ERC1: variants seen among roughly 807,000 people sequenced by gnomAD.
ERC1 encodes RAB6 interacting protein 2.
Under a neutral mutation model 132.0 loss-of-function variants are expected in ERC1, and 56 were observed. The ratio of observed to expected loss-of-function variants is 0.42; its 90% confidence interval spans 0.34 to 0.53. The LOEUF (loss-of-function observed/expected upper bound fraction) is 0.53, where lower values mean the gene tolerates loss of function less well. ERC1 is among the 20% of genes least tolerant of loss of function. The pLI is 0.03. For missense variants in ERC1, 1,202 were observed against 1,349.9 expected, an observed-to-expected ratio of 0.89 and a Z score of 1.72; for synonymous variants, 478 against 476.1, an observed-to-expected ratio of 1.00 and a Z score of -0.05.
At chr12:1,142,311 C>T (rs537153509) in intron 8 of ERC1, among the ~76,000 whole-genome samples, 95 of 152,188 alleles carry the variant, frequency 6.2e-4, no homozygotes, top group African/African-American at 2.1e-3. Flanking sequence ...TTTTGGTATT[C>T]TTTCCAAGGG....
At chr12:1,162,486 TG>T (rs1213744617) in intron 8 of ERC1, among the ~76,000 whole-genome samples, 38 of 134,752 alleles carry the variant, frequency 2.8e-4, no homozygotes, top group African/African-American at 1.0e-3. Context: ...TTCCTAGGTT[TG>T]TTTTTTTTTT....
At chr12:1,346,713 C>T (rs1019525801) in intron 15 of ERC1, among the ~76,000 whole-genome samples, 2 of 151,682 alleles carry the variant, frequency 1.3e-5, no homozygotes, top group African/African-American at 4.9e-5. Context: ...GAGGCCGAGG[C>T]GGGTGGATCA....
intron 1 of ERC1, among the ~76,000 whole-genome samples, chr12:1,019,796 C>T (rs1001061268): frequency 3.9e-5 from 6 of 152,302 alleles, no homozygotes; most frequent in African/African-American, 1.4e-4. Context: ...CGCTGTAGTG[C>T]AGTGGCACTA....
At chr12:1,213,710 C>T (rs567783453) in intron 12 of ERC1, among the ~76,000 whole-genome samples, 4 of 148,744 alleles carry the variant, frequency 2.7e-5, no homozygotes, top group Non-Finnish European at 5.9e-5. Flanking sequence ...TGCACTCCAC[C>T]CTAGGCGACA....
chr12:1,063,243 CATGT>C (rs112718723), intron 2 of ERC1, among the ~76,000 whole-genome samples: 13 of 149,576 alleles, frequency 8.7e-5, no homozygotes, highest in South Asian at 2.1e-4. Flanking sequence ...TGATTTTTTG[CATGT>C]ATGTATGTAT....
intron 15 of ERC1, among the ~76,000 whole-genome samples, chr12:1,346,670 C>T (rs1047792952): frequency 4.6e-5 from 7 of 152,052 alleles, no homozygotes; most frequent in African/African-American, 1.7e-4. Context: ...CGGCCGGGCG[C>T]GGTGGCTCAC....
chr12:1,246,270 C>T (rs1465113275), intron 13 of ERC1, among the ~76,000 whole-genome samples: 1 of 151,672 alleles, frequency 6.6e-6, no homozygotes, highest in Non-Finnish European at 1.5e-5. Context: ...TGCTTAAATT[C>T]ACCATGGTGA....
At chr12:1,339,048 G>A (rs775309191) in intron 15 of ERC1, among the ~76,000 whole-genome samples, 6 of 152,242 alleles carry the variant, frequency 3.9e-5, no homozygotes, top group East Asian at 3.8e-4. Context: ...CAGCAGCAGC[G>A]CAGCAGAGTG....
intron 15 of ERC1, among the ~76,000 whole-genome samples, chr12:1,354,523 T>A (rs376211415): frequency 6.8e-6 from 1 of 147,920 alleles, no homozygotes. Context: ...AACTCCATCT[T>A]AAAAAAAAAA....
intron 11 of ERC1, among the ~76,000 whole-genome samples, chr12:1,184,251 A>T (rs1449811233): frequency 2.6e-5 from 4 of 151,730 alleles, no homozygotes; most frequent in African/African-American, 7.3e-5. Context: ...TTCAGATTTT[A>T]TCTCATTTTG....
intron 8 of ERC1, among the ~76,000 whole-genome samples, chr12:1,151,200 T>G (rs533766672): frequency 6.6e-6 from 1 of 152,298 alleles, no homozygotes; most frequent in African/African-American, 2.4e-5. Flanking sequence ...AAATAAAAAA[T>G]TTGGAATGGC....
intron 8 of ERC1, among the ~76,000 whole-genome samples, chr12:1,168,516 CT>C (rs1184755734): frequency 1.8e-5 from 2 of 110,750 alleles, no homozygotes; most frequent in Admixed American, 1.1e-4. Flanking sequence ...AGGAGTCTTG[CT>C]TTTGTCGCCT....
chr12:1,010,387 A>G (rs190840996), intron 1 of ERC1, among the ~76,000 whole-genome samples: 3 of 151,106 alleles, frequency 2.0e-5, no homozygotes, highest in African/African-American at 7.3e-5. Flanking sequence ...AAGCTGAGGC[A>G]GGAGAATCGC....
Position 1,228,935 on chromosome 12 carries a change from C to T in ERC1, c.2352-7834C>T, listed in dbSNP as rs1057244412. Among the ~76,000 whole-genome samples the T allele has an allele frequency of 3.9e-5, 6 of 152,088 alleles. No homozygotes were observed. The East Asian group carries it at 1.2e-3, about 29-fold the overall frequency. On this transcript the variant is annotated intron_variant, in intron 12 of 18. Transcript: ENST00000360905. Reference sequence around the variant, plus strand: ...TCCTAGTATTTTGTTGAAAGTTTTGCGTCTAGTTTCATCAGTACTATTGAC... The same window carrying T: ...TCCTAGTATTTTGTTGAAAGTTTTGTGTCTAGTTTCATCAGTACTATTGAC...
intron 17 of ERC1, chr12:1,443,801 G>A (rs1357583464): frequency 1.3e-5 from 2 of 152,238 alleles, no homozygotes; most frequent in Non-Finnish European, 2.9e-5. Flanking sequence ...AGGAATCAAA[G>A]GAGTAGCTGT....
In ERC1 at chr12:1,201,094, A is replaced by G. The variant is rs576731001; in HGVS notation, c.2351+11042A>G. On this transcript the variant is annotated intron_variant, in intron 12 of 18. Transcript: ENST00000360905. ...TCTGCCTATATTCTTATACAATTTA[A>G]TATAATTCAGTTGAATTACTTTTAG... Among the ~76,000 whole-genome samples the G allele has an allele frequency of 3.9e-5, 6 of 152,326 alleles. No individual in the cohort carries two copies. In the East Asian group the frequency reaches 7.7e-4, roughly 20 times the overall value.
intron 18 of ERC1, among the ~76,000 whole-genome samples, chr12:1,461,696 C>G (rs188957109): frequency 6.6e-6 from 1 of 152,186 alleles, no homozygotes; most frequent in Non-Finnish European, 1.5e-5. Flanking sequence ...TAAAATAAAA[C>G]TGAGCCTTTG....
At chr12:1,144,616 AT>A (rs1031622432) in intron 8 of ERC1, among the ~76,000 whole-genome samples, 18 of 144,664 alleles carry the variant, frequency 1.2e-4, no homozygotes, top group Non-Finnish European at 2.6e-4. Context: ...ATTTTGTGGT[AT>A]ATATATATAT....
intron 2 of ERC1, among the ~76,000 whole-genome samples, chr12:1,063,095 C>T (rs976358801): frequency 1.3e-5 from 2 of 151,942 alleles, no homozygotes; most frequent in South Asian, 4.2e-4. Context: ...CGGAGTTTCA[C>T]CCTTGTTGCC....
Sources: allele counts gnomAD v4.1 joint callset (sites outside exome capture counted in the v4.1 genomes callset), GRCh38; gene constraint gnomAD v4.1.1; transcripts MANE v1.5; gene names NCBI Gene and HGNC (gene_info 2026-07-23, HGNC 2026-07-21).